PCSK6: variants seen among roughly 807,000 people sequenced by gnomAD.
PCSK6 encodes the protein paired basic amino acid cleaving enzyme 4.
PCSK6 carries 85 observed loss-of-function variants against 123.3 expected under a neutral mutation model. That is an observed-to-expected ratio of 0.69 (90% CI 0.58 to 0.83). The LOEUF (loss-of-function observed/expected upper bound fraction) is 0.83. Ranked by LOEUF, PCSK6 falls within the 40% of genes least tolerant of loss-of-function variation. PCSK6 has a pLI of 0.00. For missense variants in PCSK6, 1,191 were observed against 1,282.3 expected (o/e 0.93, Z 1.09); for synonymous variants, 508 against 516.0 (o/e 0.98, Z 0.21).
At chr15:101,368,406 A>G (rs1156706623) in intron 12 of PCSK6, among the ~76,000 whole-genome samples, 1 of 152,252 alleles carries the variant, frequency 6.6e-6, no homozygotes, top group Admixed American at 6.5e-5. Context: ...CTCAAGTCTT[A>G]TAACAGTCCT....
At chr15:101,364,637 A>C (rs925819501) in intron 13 of PCSK6, among the ~76,000 whole-genome samples, 5 of 152,224 alleles carry the variant, frequency 3.3e-5, no homozygotes, top group Non-Finnish European at 7.3e-5. Flanking sequence ...ACTACAAAAA[A>C]CACTGCTAAA....
chr15:101,488,918 CGCGCCGCCCGTCGAGG>C (rs1288971227), intron 1 of PCSK6, among the ~76,000 whole-genome samples: 1 of 149,978 alleles, frequency 6.7e-6, no homozygotes, highest in Non-Finnish European at 1.5e-5. Flanking sequence ...GTCCGGAGCT[CGCGCCGCCCGTCGAGG>C]GCAGAGGGGC....
chr15:101,454,980 G>GAATA (rs869105490), intron 1 of PCSK6, among the ~76,000 whole-genome samples: 2 of 97,880 alleles, frequency 2.0e-5, no homozygotes, highest in African/African-American at 7.0e-5. Context: ...ATGAATGAAT[G>GAATA]AATAAATAAA....
intron 1 of PCSK6, among the ~76,000 whole-genome samples, chr15:101,451,599 G>T (rs1477965089): frequency 6.6e-6 from 1 of 152,190 alleles, no homozygotes; most frequent in African/African-American, 2.4e-5. Flanking sequence ...CCTGCCCTTG[G>T]CTGGAAACAG....
chr15:101,395,825 G>C (rs1416170753), intron 7 of PCSK6, among the ~76,000 whole-genome samples: 1 of 152,222 alleles, frequency 6.6e-6, no homozygotes, highest in African/African-American at 2.4e-5. Flanking sequence ...GACGCGGCCA[G>C]TGTCTTTAGC....
rs376981204 is a variant in PCSK6 at position 101,412,712 on chromosome 15, T to TATATATATATATATATATATAA, written c.824-14137_824-14136insTTATATATATATATATATATAT. Among the ~76,000 whole-genome samples the TATATATATATATATATATATAA allele has an allele frequency of 1.2e-3, 168 of 136,304 alleles. 1 individual carries two copies. The highest frequency in any genetic ancestry group is 3.3e-3 in the South Asian group (15 of 4,594). The allele number at this position is 136,304 out of a possible 152,430, so 89.4% of individuals were successfully genotyped here. On this transcript the variant is annotated intron_variant, in intron 6 of 21. Transcript: ENST00000611716. ...AAAATTATATATATATATATATATA[T>TATATATATATATATATATATAA]AAAATTACCCAATCTGAACAACATA...
intron 9 of PCSK6, among the ~76,000 whole-genome samples, chr15:101,384,680 C>T (rs889307702): frequency 3.3e-5 from 5 of 152,328 alleles, no homozygotes; most frequent in African/African-American, 4.8e-5. Context: ...GCCTTGCTGC[C>T]AAGCTCTGCC....
chr15:101,305,300 G>C lies in PCSK6; in HGVS notation c.2868C>G (p.Leu956=). 6.2e-7 allele frequency: 1 copy of C among 1,612,766 alleles called. No individual in the cohort carries two copies. The highest frequency in any genetic ancestry group is 8.5e-7 in the Non-Finnish European group (1 of 1,179,812). The change falls in exon 22 of 22, where the codon CTC becomes CTG. Residue 956 remains leucine (L), a synonymous_variant. Coordinates refer to ENST00000611716, the MANE Select transcript of PCSK6 (RefSeq NM_002570.5). The surrounding 1 kb of genome is among the most constrained non-coding windows in gnomAD (Gnocchi z 4.8). ...ACGTGCGGCAGCAGAACTGAATGAA[G>C]AGCTTCCGTTCGCACAGCCGGTTGG... is the stretch of plus-strand genomic sequence containing the variant. The part of the protein sequence containing the change: ...VKSNRLCERK[L]FIQFCCRTCL...
intron 2 of PCSK6, among the ~76,000 whole-genome samples, chr15:101,438,976 C>T (rs941536478): frequency 2.6e-5 from 4 of 152,286 alleles, no homozygotes; most frequent in East Asian, 1.9e-4. Context: ...GAAAGTCACC[C>T]GAGGAGGATC....
At chr15:101,307,999 ACACT>A (rs1244193011) in intron 20 of PCSK6, 1 of 152,340 alleles carries the variant, frequency 6.6e-6, no homozygotes, top group African/African-American at 2.4e-5. Flanking sequence ...GACCACAGTC[ACACT>A]CATTCATTGA....
At chr15:101,488,743 G>A (rs1225215800) in intron 1 of PCSK6, among the ~76,000 whole-genome samples, 1 of 151,294 alleles carries the variant, frequency 6.6e-6, no homozygotes. Context: ...CCCCGGCCCT[G>A]CGCTGTCCCA....
chr15:101,473,830 G>A (rs1297701822), intron 1 of PCSK6, among the ~76,000 whole-genome samples: 9 of 152,140 alleles, frequency 5.9e-5, no homozygotes, highest in Non-Finnish European at 1.3e-4. Context: ...AGCTGAGATC[G>A]CACCATTGCA....
At chr15:101,484,915 C>T (rs936241010) in intron 1 of PCSK6, among the ~76,000 whole-genome samples, 6 of 152,194 alleles carry the variant, frequency 3.9e-5, no homozygotes, top group Non-Finnish European at 5.9e-5. Context: ...AAAACGCCTG[C>T]ATGGACATTC....
intron 1 of PCSK6, among the ~76,000 whole-genome samples, chr15:101,469,119 C>G (rs2057538693): frequency 6.6e-6 from 1 of 151,998 alleles, no homozygotes; most frequent in Admixed American, 6.6e-5. Context: ...TTTAGGCATT[C>G]TGGGGAAATT....
chr15:101,331,608 C>T (rs1406539835), intron 15 of PCSK6, 43 bp downstream of exon 15: 1 of 1,594,638 alleles, frequency 6.3e-7, no homozygotes, highest in Non-Finnish European at 8.6e-7. Context: ...GCTCTCCCAG[C>T]TGGGAAGGTT....
At chr15:101,377,194 CTG>C (rs1273151178) in intron 11 of PCSK6, among the ~76,000 whole-genome samples, 12 of 12,998 alleles carry the variant, frequency 9.2e-4, no homozygotes, top group African/African-American at 1.1e-3. Context: ...ACGCCAGCAG[CTG>C]TGCTCTTAGG....
At chr15:101,367,403 A>C (rs1376234369) in intron 12 of PCSK6, among the ~76,000 whole-genome samples, 3 of 152,242 alleles carry the variant, frequency 2.0e-5, no homozygotes, top group Non-Finnish European at 4.4e-5. Context: ...GTTTTGAATG[A>C]TGTAAGATTC....
rs1199316787 is a variant in PCSK6, at chr15:101,327,900, TGTTCCTGGGCGGTGCTGGTATCCTGG to T, written c.2078-1447_2078-1422del. On this transcript the variant is annotated intron_variant, in intron 15 of 21. Coordinates refer to ENST00000611716, the MANE Select transcript of PCSK6 (RefSeq NM_002570.5). ...GTATCCACGAGGACACTCTAGATGC[TGTTCCTGGGCGGTGCTGGTATCCTGG>T]GTTCCAGATGCCACTCACCATTTCT... Among the ~76,000 whole-genome samples, 71 of 152,296 alleles carry T rather than the reference TGTTCCTGGGCGGTGCTGGTATCCTGG, an allele frequency of 4.7e-4. No individual in the cohort carries two copies. In the Middle Eastern group the frequency reaches 0.014, roughly 29 times the overall value.
At position 101,476,524 on chromosome 15, in the gene PCSK6, C is replaced by CAAA. The variant is rs3031709; in HGVS notation, c.297+12847_297+12849dup. On this transcript the variant is annotated intron_variant, in intron 1 of 21. Coordinates refer to ENST00000611716, the MANE Select transcript of PCSK6 (RefSeq NM_002570.5). Reference sequence around the variant, plus strand: ...TTAGTGAAGAAAACCTAGGTAGGTCCAAAAAAAAAAACATGTTTAGTGTGA... The same window carrying CAAA: ...TTAGTGAAGAAAACCTAGGTAGGTCCAAAAAAAAAAAAAACATGTTTAGTGTGA... Among the ~76,000 whole-genome samples the CAAA allele has an allele frequency of 9.7e-4, 134 of 138,616 alleles. 1 individual carries two copies. Among genetic ancestry groups the CAAA allele is most frequent in the African/African-American group, 2.6e-3 (97 of 37,764 alleles). 90.9% of individuals were successfully genotyped at this position (138,616 alleles called of 152,430 possible). A position where few individuals can be genotyped will look rare whatever the true frequency, so the allele number is the denominator to read the frequency against.
Sources: allele counts gnomAD v4.1 joint callset (sites outside exome capture counted in the v4.1 genomes callset), GRCh38; gene constraint gnomAD v4.1.1; non-coding constraint Gnocchi (gnomAD v3.1); transcripts MANE v1.5; gene names NCBI Gene and HGNC (gene_info 2026-07-23, HGNC 2026-07-21).